The following ZNF169 variants were observed in gnomAD, a reference collection of about 807,000 sequenced individuals.
ZNF169 encodes zinc finger protein 169.
A neutral mutation model predicts 12.0 loss-of-function variants in ZNF169; 11 were observed. That is an observed-to-expected ratio of 0.92 (90% confidence interval 0.58 to 1.52). ZNF169 has a LOEUF of 1.52. Ranked by LOEUF, ZNF169 falls within the 40% of genes most tolerant of loss-of-function variation. The pLI is 0.00. For missense variants in ZNF169, 722 were observed against 744.0 expected (o/e 0.97, Z 0.34); for synonymous variants, 302 against 286.5 (o/e 1.05, Z -0.55).
chr9:94,275,506 A>T (rs1271789381), intron 1 of ZNF169, among the ~76,000 whole-genome samples: 1 of 152,200 alleles, frequency 6.6e-6, no homozygotes, highest in African/African-American at 2.4e-5. Flanking sequence ...TTTCCAGATC[A>T]TCCATTTCCT....
At chr9:94,293,098 G>C in intron 4 of ZNF169, 29 bp downstream of exon 4, 1 of 1,586,520 alleles carries the variant, frequency 6.3e-7, no homozygotes, top group Non-Finnish European at 8.6e-7. Context: ...GCAAGCGAGG[G>C]TGCAGGGCAG....
intron 1 of ZNF169, among the ~76,000 whole-genome samples, chr9:94,277,720 A>G (rs922369041): frequency 6.6e-6 from 1 of 151,988 alleles, no homozygotes; most frequent in African/African-American, 2.4e-5. Flanking sequence ...TCACGAGGTC[A>G]GGAGATCGAG....
At chr9:94,288,988 TTA>T (rs2118631946) in intron 2 of ZNF169, among the ~76,000 whole-genome samples, 1 of 152,344 alleles carries the variant, frequency 6.6e-6, no homozygotes, top group South Asian at 2.1e-4. Flanking sequence ...GAAGCAAAGA[TTA>T]TCGTATGGTC....
In ZNF169 at chr9:94,278,771, A is replaced by G. The variant is rs775074435; in HGVS notation, c.-42A>G. 2.5e-6 allele frequency: 4 copies of G among 1,607,960 alleles called. No individual in the cohort carries two copies. Among genetic ancestry groups the G allele is most frequent in the Non-Finnish European group, 3.4e-6 (4 of 1,176,740 alleles). On this transcript the variant is annotated 5_prime_UTR_variant, in exon 2 of 5. Transcript: ENST00000395395. ...CTCTTTCCCCAGATTTGCCTCTGCA[A>G]CTTGACTCTCCTCTAGGAAGAGTAC...
intron 1 of ZNF169, among the ~76,000 whole-genome samples, chr9:94,268,113 G>A (rs867282831): frequency 2.0e-5 from 3 of 151,590 alleles, no homozygotes; most frequent in African/African-American, 7.3e-5. Context: ...CAGGTGATCC[G>A]CCCACCTCGG....
At chr9:94,272,311 G>A (rs552118786) in intron 1 of ZNF169, among the ~76,000 whole-genome samples, 35 of 152,056 alleles carry the variant, frequency 2.3e-4, no homozygotes, top group South Asian at 4.1e-4. Context: ...AAACAACCAC[G>A]TAACATATAT....
In ZNF169 at chr9:94,292,662, G is replaced by A. The variant is rs868007200; in HGVS notation, c.160+195G>A. The A allele has an allele frequency of 6.4e-5, 46 of 720,698 alleles. No individual in the cohort carries two copies. In the South Asian group the frequency reaches 7.3e-4, roughly 11 times the overall value. 44.6% of individuals were successfully genotyped at this position (720,698 alleles called of 1,614,324 possible). A position where few individuals can be genotyped will look rare whatever the true frequency, so the allele number is the denominator to read the frequency against. On this transcript the variant is annotated intron_variant, in intron 3 of 4. Transcript: ENST00000395395. ...GTGTGCGCGTGCACATGCTGTGAGC[G>A]TGTGGTGTGTCTGACACTGCATTTT...
intron 2 of ZNF169, among the ~76,000 whole-genome samples, chr9:94,289,611 G>A (rs1055481915): frequency 7.2e-5 from 11 of 152,078 alleles, no homozygotes; most frequent in African/African-American, 2.7e-4. Flanking sequence ...CCAACATGAC[G>A]AAACCCCGTC....
chr9:94,269,142 A>G (rs73523832), intron 1 of ZNF169, among the ~76,000 whole-genome samples: 1,729 of 152,228 alleles, frequency 0.011, 37 homozygotes, highest in African/African-American at 0.04. Flanking sequence ...TCAAGTTTAC[A>G]TGGTATCAAA....
At chr9:94,289,251 T>C (rs759251165) in intron 2 of ZNF169, among the ~76,000 whole-genome samples, 3 of 151,334 alleles carry the variant, frequency 2.0e-5, no homozygotes, top group Non-Finnish European at 2.9e-5. Flanking sequence ...ATAAAAAAAT[T>C]AGCCAGGTGT....
intron 1 of ZNF169, among the ~76,000 whole-genome samples, chr9:94,274,333 G>T (rs557849637): frequency 1.8e-4 from 28 of 152,256 alleles, no homozygotes; most frequent in African/African-American, 5.3e-4. Context: ...CACAAATTTG[G>T]TAAGTTGTAA....
chr9:94,285,626 A>G (rs774780392), intron 2 of ZNF169, among the ~76,000 whole-genome samples: 6 of 152,186 alleles, frequency 3.9e-5, no homozygotes, highest in Admixed American at 1.3e-4. Context: ...TGAAGACTAA[A>G]GATGAAAAAA....
chr9:94,259,986 G>A (rs528544139), intron 1 of ZNF169, among the ~76,000 whole-genome samples: 2 of 150,408 alleles, frequency 1.3e-5, no homozygotes, highest in East Asian at 2.0e-4. Context: ...TGCAATCTCC[G>A]CGCCCCACCC....
In ZNF169 at chr9:94,260,899, C is replaced by T. The variant is rs1205942615; in HGVS notation, c.-56+1554C>T. Among the ~76,000 whole-genome samples, 3 of 142,276 alleles carry T rather than the reference C, an allele frequency of 2.1e-5. No homozygotes were observed. The Admixed American group carries it at 2.3e-4, about 11-fold the overall frequency. 93.3% of individuals were successfully genotyped at this position (142,276 alleles called of 152,430 possible). A position where few individuals can be genotyped will look rare whatever the true frequency, so the allele number is the denominator to read the frequency against. On this transcript the variant is annotated intron_variant, in intron 1 of 4. Coordinates refer to ENST00000395395, the MANE Select transcript of ZNF169 (RefSeq NM_194320.4). ...GCAGTGGAGTGATCTCAGCTCACTG[C>T]AACCACGGCCTCCCGGGTTCAAGCA...
intron 1 of ZNF169, among the ~76,000 whole-genome samples, chr9:94,265,093 TA>T (rs1290210274): frequency 2.0e-5 from 3 of 147,186 alleles, no homozygotes; most frequent in Admixed American, 7.0e-5. Flanking sequence ...TGTTTAACAT[TA>T]AAAAAAACCT....
At chr9:94,288,590 G>A in intron 2 of ZNF169, 1 of 431,280 alleles carries the variant, frequency 2.3e-6, no homozygotes, top group African/African-American at 2.0e-5. Context: ...AGGCAGCTAT[G>A]ACAGGGGCTC....
At chr9:94,276,639 T>C (rs1396631090) in intron 1 of ZNF169, among the ~76,000 whole-genome samples, 1 of 152,080 alleles carries the variant, frequency 6.6e-6, no homozygotes, top group Non-Finnish European at 1.5e-5. Context: ...TCATCCATCC[T>C]TGGCCTCCCA....
At chr9:94,261,141 A>G (rs1190784590) in intron 1 of ZNF169, among the ~76,000 whole-genome samples, 1 of 151,936 alleles carries the variant, frequency 6.6e-6, no homozygotes, top group Admixed American at 6.6e-5. Flanking sequence ...TCCCGGGTTC[A>G]AGGTATTCTC....
At chr9:94,288,922 C>G (rs1202078817) in intron 2 of ZNF169, among the ~76,000 whole-genome samples, 1 of 152,104 alleles carries the variant, frequency 6.6e-6, no homozygotes, top group Non-Finnish European at 1.5e-5. Flanking sequence ...GGAAGACATA[C>G]AGGGTAAATG....
Sources: allele counts gnomAD v4.1 joint callset (sites outside exome capture counted in the v4.1 genomes callset), GRCh38; gene constraint gnomAD v4.1.1; transcripts MANE v1.5; gene names NCBI Gene and HGNC (gene_info 2026-07-23, HGNC 2026-07-21).